Variants in SV2C observed in about 807,000 individuals in gnomAD.
SV2C encodes the protein synaptic vesicle glycoprotein 2C, also known as solute carrier family 22 member B3.
SV2C carries 49 observed loss-of-function variants against 79.7 expected under a neutral mutation model. The observed-to-expected ratio is 0.61, with a 90% confidence interval of 0.49 to 0.78. The LOEUF is 0.78. Ranked by LOEUF, SV2C falls within the 30% of genes least tolerant of loss-of-function variation. SV2C has a pLI of 0.00. For synonymous variants in SV2C, 334 were observed against 333.2 expected (o/e 1.00, Z -0.03); for missense variants, 833 against 912.9 (o/e 0.91, Z 1.13).
In SV2C at chr5:76,223,444, CATATATATATATAT is replaced by C. The variant is rs70979384; in HGVS notation, c.913+13596_913+13609del. 7.5e-3 allele frequency among the ~76,000 whole-genome samples: 341 copies of C among 45,766 alleles called. 2 individuals are homozygous for C. Among genetic ancestry groups the C allele is most frequent in the Middle Eastern group, 0.022 (2 of 92 alleles). 30.0% of individuals were successfully genotyped at this position (45,766 alleles called of 152,430 possible). On this transcript the variant is annotated intron_variant, in intron 4 of 12. Coordinates refer to ENST00000502798, the MANE Select transcript of SV2C (RefSeq NM_014979.4). ...CCCTGTCTCTTTATATACATACATACATATATATATATATATATATATATATATATATATATATA... is the reference window on the plus strand; with the variant it reads ...CCCTGTCTCTTTATATACATACATACATATATATATATATATATATATATA...
chr5:76,052,925 T>G, the SV2C span, among the ~76,000 whole-genome samples: 1 of 151,122 alleles, frequency 6.6e-6, no homozygotes, highest in African/African-American at 2.4e-5. Context: ...AGTATTATGT[T>G]AACATTCAAA....
At chr5:75,997,373 C>CA in the SV2C span, among the ~76,000 whole-genome samples, 44,006 of 151,724 alleles carry the variant, frequency 0.29, 7,267 homozygotes, top group Middle Eastern at 0.43. Context: ...TTCTGCGCAG[C>CA]AAAAAAACCT....
intron 4 of SV2C, among the ~76,000 whole-genome samples, chr5:76,235,192 AAAAAG>A (rs1183207263): frequency 6.6e-6 from 1 of 152,094 alleles, no homozygotes. Context: ...AAAAAAAAAA[AAAAAG>A]GAAGTAAAGT....
chr5:76,126,540 G>A (rs1228853367), intron 1 of SV2C, among the ~76,000 whole-genome samples: 2 of 152,136 alleles, frequency 1.3e-5, no homozygotes, highest in Non-Finnish European at 2.9e-5. Context: ...TTGGGAGGGA[G>A]GTGTGGCATC....
chr5:76,012,596 G>A, the SV2C span, among the ~76,000 whole-genome samples: 2 of 152,138 alleles, frequency 1.3e-5, no homozygotes, highest in African/African-American at 4.8e-5. Context: ...CTGTGCAGAA[G>A]CTCTTTAGTT....
At chr5:76,222,775 C>A (rs896175242) in intron 4 of SV2C, among the ~76,000 whole-genome samples, 2 of 152,098 alleles carry the variant, frequency 1.3e-5, no homozygotes, top group African/African-American at 4.8e-5. Flanking sequence ...TTCAAGAGGG[C>A]AGTCTTACAT....
chr5:75,937,955 A>T, the SV2C span, among the ~76,000 whole-genome samples: 4,410 of 146,038 alleles, frequency 0.03, 212 homozygotes, highest in African/African-American at 0.11. Flanking sequence ...GATAATTGAT[A>T]AAAAAATTGA....
At chr5:76,030,693 C>T in the SV2C span, among the ~76,000 whole-genome samples, 6 of 151,398 alleles carry the variant, frequency 4.0e-5, no homozygotes, top group Non-Finnish European at 5.9e-5. Flanking sequence ...TGTGCCTCCC[C>T]GGAGGCTGCA....
intron 4 of SV2C, among the ~76,000 whole-genome samples, chr5:76,216,430 G>A (rs1744910477): frequency 6.6e-6 from 1 of 152,150 alleles, no homozygotes; most frequent in African/African-American, 2.4e-5. Context: ...AAGGGAGGAG[G>A]AAGAGCAACA....
chr5:75,897,850 C>A, the SV2C span, among the ~76,000 whole-genome samples: 1 of 151,944 alleles, frequency 6.6e-6, no homozygotes, highest in South Asian at 2.1e-4. Flanking sequence ...GGAGTTCACT[C>A]ATGATTTGGC....
the SV2C span, among the ~76,000 whole-genome samples, chr5:75,877,737 G>T: frequency 6.6e-6 from 1 of 151,966 alleles, no homozygotes; most frequent in Non-Finnish European, 1.5e-5. Flanking sequence ...AGAATGATAT[G>T]GTTTGAATAT....
chr5:76,119,974 T>C (rs1183989903), intron 1 of SV2C, among the ~76,000 whole-genome samples: 2 of 152,130 alleles, frequency 1.3e-5, no homozygotes, highest in South Asian at 4.1e-4. Context: ...CACAGTAAGG[T>C]ATTGTATATT....
At chr5:75,895,018 A>G in the SV2C span, among the ~76,000 whole-genome samples, 2,512 of 152,214 alleles carry the variant, frequency 0.017, 35 homozygotes, top group African/African-American at 0.043. Context: ...CATACATTAA[A>G]GAAAATATCT....
intron 2 of SV2C, among the ~76,000 whole-genome samples, chr5:76,149,772 T>A (rs1159508167): frequency 6.6e-6 from 1 of 152,224 alleles, no homozygotes; most frequent in East Asian, 1.9e-4. Context: ...TTCTTTCTTA[T>A]ACACAGTGGG....
the SV2C span, among the ~76,000 whole-genome samples, chr5:76,047,979 T>G: frequency 7.2e-5 from 11 of 152,066 alleles, no homozygotes. Flanking sequence ...TTAAAAAAAT[T>G]CTAAGAGAGT....
intron 2 of SV2C, among the ~76,000 whole-genome samples, chr5:76,190,946 A>T (rs1194067169): frequency 6.6e-6 from 1 of 152,206 alleles, no homozygotes; most frequent in Non-Finnish European, 1.5e-5. Context: ...ATAAAAAGTG[A>T]TTGTGATTGT....
the SV2C span, among the ~76,000 whole-genome samples, chr5:76,073,501 GTGTATATA>G: frequency 4.8e-3 from 415 of 87,236 alleles, 3 homozygotes; most frequent in African/African-American, 0.013. Flanking sequence ...ATGTATGTGT[GTGTATATA>G]TATATATATA....
intron 3 of SV2C, among the ~76,000 whole-genome samples, chr5:76,196,678 C>T (rs1304807111): frequency 6.6e-6 from 1 of 152,186 alleles, no homozygotes; most frequent in East Asian, 1.9e-4. Flanking sequence ...TATAATAAAA[C>T]CACTAGCCTG....
the SV2C span, among the ~76,000 whole-genome samples, chr5:75,857,239 G>A: frequency 1.3e-5 from 2 of 152,198 alleles, no homozygotes; most frequent in Admixed American, 6.5e-5. Flanking sequence ...TTACAGGTGT[G>A]AGCCACCGCG....
Sources: gnomAD v4.1 joint callset for allele counts (sites outside exome capture counted in the v4.1 genomes callset) on GRCh38, gnomAD v4.1.1 for gene constraint, MANE v1.5 for transcripts, NCBI Gene and HGNC (gene_info 2026-07-23, HGNC 2026-07-21) for gene names.